The following H6PD variants were observed in gnomAD, a reference collection of about 807,000 sequenced individuals.
H6PD encodes hexose-6-phosphate dehydrogenase/glucose 1-dehydrogenase, also known as GDH/6PGL endoplasmic bifunctional protein.
H6PD carries 48 observed loss-of-function variants against 61.2 expected under a neutral mutation model. The ratio of observed to expected loss-of-function variants is 0.78; its 90% confidence interval spans 0.62 to 1.00. The LOEUF (loss-of-function observed/expected upper bound fraction) is 1.00. Ranked by LOEUF, H6PD falls within the 50% of genes least tolerant of loss-of-function variation. The pLI, the probability that H6PD is intolerant of heterozygous loss-of-function variation, is 0.00. For synonymous variants in H6PD, 480 were observed against 457.9 expected (o/e 1.05, Z -0.62); for missense variants, 1,093 against 1,065.0 (o/e 1.03, Z -0.37).
intron 1 of H6PD, among the ~76,000 whole-genome samples, chr1:9,236,689 G>A (rs889443092): frequency 1.3e-4 from 18 of 140,380 alleles, no homozygotes; most frequent in Non-Finnish European, 1.7e-4. Context: ...AAAAAAAAAA[G>A]CAGCTAGGAT....
intron 1 of H6PD, chr1:9,242,480 A>G (rs975699994): frequency 6.5e-6 from 4 of 612,996 alleles, no homozygotes; most frequent in Non-Finnish European, 8.2e-6. Context: ...GAGTGCTGGC[A>G]ACATAACAGA....
intron 1 of H6PD, chr1:9,239,889 G>C (rs1274266265): frequency 2.9e-6 from 2 of 698,426 alleles, no homozygotes; most frequent in Non-Finnish European, 4.0e-6. Flanking sequence ...GGCTGGGTCT[G>C]CTGTGCCGGG....
rs1457132201 is a variant in H6PD, at chr1:9,267,040, GA to G, written c.*2173del. 3.3e-5 allele frequency: 5 copies of G among 152,254 alleles called. No homozygotes were observed. The highest frequency in any genetic ancestry group is 1.3e-4 in the Admixed American group (2 of 15,274). The allele number at this position is 152,254 out of a possible 1,614,324, so 9.4% of individuals were successfully genotyped here. The stretch of plus-strand genomic sequence containing the variant: ...TCACCATGTTGCCCAGGCTGGTCTC[GA>G]ACTCCTGAGCTCAGGCAGTCTACCC... On this transcript the variant is annotated 3_prime_UTR_variant, in exon 5 of 5. Coordinates refer to ENST00000377403, the MANE Select transcript of H6PD (RefSeq NM_004285.4).
Position 9,262,168 on chromosome 1 carries a change from T to A in H6PD, c.855T>A (p.Ser285Arg). The change falls in exon 4 of 5, where the codon AGT (serine) becomes AGA (arginine). Residue 285 changes from serine (S) to arginine (R), a missense_variant. Ser to Arg is a moderately radical substitution (Grantham distance 110, BLOSUM62 -1). Transcript: ENST00000377403. ...TGGAGCTGCCCCACAATGTCAGCAG[T>A]GCGGAGGCTGTGCTGCGGCACAAGC... ...VAMELPHNVS[S>R]AEAVLRHKLQ... 1 of 1,614,202 alleles carries A rather than the reference T, an allele frequency of 6.2e-7. No homozygotes were observed. Among genetic ancestry groups the A allele is most frequent in the Non-Finnish European group, 8.5e-7 (1 of 1,180,032 alleles).
At chr1:9,263,412 G>A (rs1048900717) in intron 4 of H6PD, 97 bp from the exon 5 acceptor site, 1 of 1,194,306 alleles carries the variant, frequency 8.4e-7, no homozygotes, top group Non-Finnish European at 1.2e-6. Context: ...CCCTGAGGCA[G>A]GGGGACGCCC....
chr1:9,248,912 C>T (rs990116326), intron 3 of H6PD, among the ~76,000 whole-genome samples: 5 of 152,198 alleles, frequency 3.3e-5, no homozygotes, highest in African/African-American at 4.8e-5. Context: ...GGTTGCCCCC[C>T]GTGCCTGTCT....
chr1:9,259,945 G>A (rs12042692), intron 3 of H6PD, among the ~76,000 whole-genome samples: 1 of 151,534 alleles, frequency 6.6e-6, no homozygotes, highest in African/African-American at 2.4e-5. Flanking sequence ...TATGCTGGTG[G>A]TGTTATGTTG....
intron 4 of H6PD, 132 bp downstream of exon 4, chr1:9,262,460 G>A: frequency 1.2e-6 from 1 of 863,466 alleles, no homozygotes; most frequent in Non-Finnish European, 1.8e-6. Flanking sequence ...CGGAGGCAAG[G>A]ATGGCATTCC....
rs996470142 is a variant in H6PD at position 9,263,759 on chromosome 1, C to G, written c.1266C>G (p.Ser422=). 6.2e-7 allele frequency: 1 copy of G among 1,614,040 alleles called. No homozygotes were observed. ...TCAGCAGGAACCTGTTCAGGCCCTC[C>G]CTGCCCTCCAGCTGGAAGGAAATGG... ...VLVSRNLFRP[S]LPSSWKEMEG... Residue 422 remains serine (S), a synonymous_variant, in exon 5 of 5, where the codon TCC becomes TCG. Coordinates refer to ENST00000377403, the MANE Select transcript of H6PD (RefSeq NM_004285.4).
rs1638386182 is a variant in H6PD, at chr1:9,263,076, C to G, written c.1016-433C>G. On this transcript the variant is annotated intron_variant, in intron 4 of 4. Coordinates refer to ENST00000377403, the MANE Select transcript of H6PD (RefSeq NM_004285.4). ...TCTCTCCTCACCCCGCACCTCTGAC[C>G]CTGCGTCGGGTGCATCCTGAATGCT... Among the ~76,000 whole-genome samples the G allele has an allele frequency of 3.3e-5, 5 of 152,096 alleles. No homozygotes were observed. In the South Asian group the frequency reaches 1.0e-3, roughly 31 times the overall value.
chr1:9,235,413 C>G (rs1232372024), intron 1 of H6PD, among the ~76,000 whole-genome samples: 3 of 152,044 alleles, frequency 2.0e-5, no homozygotes, highest in Non-Finnish European at 4.4e-5. Flanking sequence ...GGGCAAACCT[C>G]TCTGGATCTC....
chr1:9,236,958 G>T (rs1640865186), intron 1 of H6PD, among the ~76,000 whole-genome samples: 1 of 152,178 alleles, frequency 6.6e-6, no homozygotes, highest in African/African-American at 2.4e-5. Context: ...TCAGAAGGAA[G>T]AACTGTGAAA....
rs1251702395 is a variant in H6PD, at chr1:9,246,948, GT to G, written c.628-17del. ...GTGAGAGTATCCTGCAGCACGCCCA[GT>G]CTTCCCCCCCCGACAGGCTGTGGCG... On this transcript the variant is annotated splice_polypyrimidine_tract_variant and intron_variant, in intron 2 of 4. Transcript: ENST00000377403. The G allele has an allele frequency of 1.3e-6, 2 of 1,566,834 alleles. No individual in the cohort carries two copies. Among genetic ancestry groups the G allele is most frequent in the Non-Finnish European group, 1.8e-6 (2 of 1,136,832 alleles).
intron 3 of H6PD, among the ~76,000 whole-genome samples, chr1:9,257,861 G>A (rs994166592): frequency 6.6e-6 from 1 of 152,252 alleles, no homozygotes; most frequent in Non-Finnish European, 1.5e-5. Context: ...AGGTGAGGGT[G>A]TGAGGAGACT....
At position 9,266,875 on chromosome 1, in the gene H6PD, C is replaced by G. The variant is rs1353647632; in HGVS notation, c.*2006C>G. The stretch of plus-strand genomic sequence containing the variant: ...AGTCTCTGTCGCCCAGGCTGGAGCC[C>G]AGTGGCGAGATCTTGGCTCACTACA... On this transcript the variant is annotated 3_prime_UTR_variant, in exon 5 of 5. Coordinates refer to ENST00000377403, the MANE Select transcript of H6PD (RefSeq NM_004285.4). 1 of 151,888 alleles carries G rather than the reference C, an allele frequency of 6.6e-6. No homozygotes were observed. Among genetic ancestry groups the G allele is most frequent in the Non-Finnish European group, 1.5e-5 (1 of 68,042 alleles). The allele number at this position is 151,888 out of a possible 1,614,324, so 9.4% of individuals were successfully genotyped here. A position where few individuals can be genotyped will look rare whatever the true frequency, so the allele number is the denominator to read the frequency against.
At chr1:9,241,467 G>C (rs1382339166) in intron 1 of H6PD, among the ~76,000 whole-genome samples, 1 of 152,226 alleles carries the variant, frequency 6.6e-6, no homozygotes, top group African/African-American at 2.4e-5. Flanking sequence ...GCAGTGGTGC[G>C]ATCATGGCTC....
chr1:9,235,213 A>T (rs1364213363), intron 1 of H6PD, 147 bp downstream of exon 1: 1 of 151,848 alleles, frequency 6.6e-6, no homozygotes, highest in Non-Finnish European at 1.5e-5. Context: ...ACTGCTCAGG[A>T]GGCGGCCAGG....
At chr1:9,239,445 G>A (rs1640935426) in intron 1 of H6PD, among the ~76,000 whole-genome samples, 1 of 152,146 alleles carries the variant, frequency 6.6e-6, no homozygotes, top group South Asian at 2.1e-4. Context: ...GCAGATCAGA[G>A]GTCATTGATA....
At chr1:9,242,893 C>T (rs891832993) in intron 1 of H6PD, 12 of 985,204 alleles carry the variant, frequency 1.2e-5, no homozygotes, top group Middle Eastern at 5.2e-4. Context: ...GAGCGATTGC[C>T]GGTTGAGGAA....
Sources: allele counts gnomAD v4.1 joint callset (sites outside exome capture counted in the v4.1 genomes callset), GRCh38; gene constraint gnomAD v4.1.1; transcripts MANE v1.5; gene names NCBI Gene and HGNC (gene_info 2026-07-23, HGNC 2026-07-21).